Variants in PRDM5 observed in about 807,000 individuals in gnomAD.
PRDM5 encodes PR/SET domain 5.
Under a neutral mutation model 81.2 loss-of-function variants are expected in PRDM5, and 56 were observed. That is an observed-to-expected ratio of 0.69 (90% CI 0.56 to 0.86). The LOEUF is 0.86. Ranked by LOEUF, PRDM5 falls within the 40% of genes least tolerant of loss-of-function variation. PRDM5 has a pLI of 0.00. For missense variants in PRDM5, 697 were observed against 770.1 expected (o/e 0.91, Z 1.12); for synonymous variants, 267 against 256.4 (o/e 1.04, Z -0.39).
At chr4:120,769,976 C>T (rs1747001274) in intron 13 of PRDM5, among the ~76,000 whole-genome samples, 2 of 152,094 alleles carry the variant, frequency 1.3e-5, no homozygotes, top group African/African-American at 4.8e-5. Flanking sequence ...GCTGCATCTA[C>T]ACGGTTGCTC....
chr4:120,802,689 A>G (rs1752310927), intron 8 of PRDM5, among the ~76,000 whole-genome samples: 1 of 152,228 alleles, frequency 6.6e-6, no homozygotes, highest in African/African-American at 2.4e-5. Flanking sequence ...GGATATCCAC[A>G]CCAAAACCCC....
chr4:120,811,164 A>G (rs1753782280), intron 8 of PRDM5, among the ~76,000 whole-genome samples: 1 of 142,886 alleles, frequency 7.0e-6, no homozygotes, highest in Admixed American at 7.2e-5. Context: ...TGTCATAACA[A>G]GAGCAAAAAT....
intron 15 of PRDM5, among the ~76,000 whole-genome samples, chr4:120,703,759 C>A (rs2149007425): frequency 6.6e-6 from 1 of 152,172 alleles, no homozygotes; most frequent in Middle Eastern, 3.4e-3. Context: ...CTAGGTTTCC[C>A]AGGTTCAAAG....
At chr4:120,911,008 CT>C (rs1209942318) in intron 1 of PRDM5, among the ~76,000 whole-genome samples, 2 of 152,158 alleles carry the variant, frequency 1.3e-5, no homozygotes, top group Non-Finnish European at 2.9e-5. Context: ...CTTGTGATTT[CT>C]TTGCAAGAAC....
chr4:120,699,178 A>ATATATC (rs1734970106), intron 15 of PRDM5, among the ~76,000 whole-genome samples: 1 of 108,826 alleles, frequency 9.2e-6, no homozygotes, highest in South Asian at 2.9e-4. Context: ...ATATATATAT[A>ATATATC]TATATATATA....
chr4:120,869,456 A>T (rs1761554355), intron 2 of PRDM5, among the ~76,000 whole-genome samples: 1 of 152,188 alleles, frequency 6.6e-6, no homozygotes, highest in South Asian at 2.1e-4. Flanking sequence ...TTTACATTAA[A>T]CATAAATTAG....
At chr4:120,806,204 C>G (rs1020995183) in intron 8 of PRDM5, among the ~76,000 whole-genome samples, 2 of 152,146 alleles carry the variant, frequency 1.3e-5, no homozygotes, top group Admixed American at 6.5e-5. Flanking sequence ...AAAGAGGACA[C>G]AAACAAATGG....
At chr4:120,774,366 C>T (rs1054040345) in intron 13 of PRDM5, among the ~76,000 whole-genome samples, 25 of 152,222 alleles carry the variant, frequency 1.6e-4, no homozygotes, top group Non-Finnish European at 3.4e-4. Flanking sequence ...CACTGAAAAA[C>T]AGCTGAATAA....
At chr4:120,750,372 AG>A (rs1743802532) in intron 14 of PRDM5, among the ~76,000 whole-genome samples, 1 of 152,198 alleles carries the variant, frequency 6.6e-6, no homozygotes, top group African/African-American at 2.4e-5. Flanking sequence ...GGCTACTGCC[AG>A]TGGCGGGACA....
chr4:120,919,814 A>G lies in PRDM5; in HGVS notation c.93+2702T>C, dbSNP rs1284609914. Reference sequence around the variant, plus strand: ...ACAGCATGCAAAAAGTGTCAATTTCATTATTTTTCCTTATTCTGATTATTA... The same window carrying G: ...ACAGCATGCAAAAAGTGTCAATTTCGTTATTTTTCCTTATTCTGATTATTA... On this transcript the variant is annotated intron_variant, in intron 1 of 15. Transcript: ENST00000264808. Among the ~76,000 whole-genome samples, 7 of 152,186 alleles carry G rather than the reference A, an allele frequency of 4.6e-5. No individual in the cohort carries two copies. In the East Asian group the frequency reaches 1.3e-3, roughly 29 times the overall value.
At chr4:120,806,670 C>T (rs1438941406) in intron 8 of PRDM5, among the ~76,000 whole-genome samples, 1 of 152,122 alleles carries the variant, frequency 6.6e-6, no homozygotes, top group Non-Finnish European at 1.5e-5. Flanking sequence ...AACTGGATCC[C>T]TTCCTTACAC....
Position 120,706,315 on chromosome 4 carries a change from T to C in PRDM5, c.1728+3994A>G, listed in dbSNP as rs528588014. Among the ~76,000 whole-genome samples, 3 of 152,254 alleles carry C rather than the reference T, an allele frequency of 2.0e-5. No homozygotes were observed. The South Asian group carries it at 6.2e-4, about 32-fold the overall frequency. ...GATCAGAGAGAATATATGCAAACCA[T>C]GGATCTCTGTGTATTTCCCATATGA... On this transcript the variant is annotated intron_variant, in intron 15 of 15. Transcript: ENST00000264808.
downstream of PRDM5, among the ~76,000 whole-genome samples, chr4:120,689,599 T>A (rs1408843286): frequency 6.9e-6 from 1 of 144,202 alleles, no homozygotes; most frequent in Non-Finnish European, 1.6e-5. Flanking sequence ...TTTTCAAAAT[T>A]CTTTTTTTTT....
chr4:120,725,727 T>C (rs547622031), intron 14 of PRDM5, among the ~76,000 whole-genome samples: 2 of 152,122 alleles, frequency 1.3e-5, no homozygotes, highest in African/African-American at 4.8e-5. Flanking sequence ...TCCGTTTCTA[T>C]ATTAAACAGC....
chr4:120,791,303 C>A (rs1185546076), intron 10 of PRDM5, among the ~76,000 whole-genome samples: 1 of 152,106 alleles, frequency 6.6e-6, no homozygotes, highest in Non-Finnish European at 1.5e-5. Flanking sequence ...TTTATATGAA[C>A]TAACATAAAC....
intron 14 of PRDM5, among the ~76,000 whole-genome samples, chr4:120,717,807 T>C (rs1412795312): frequency 6.6e-6 from 1 of 152,250 alleles, no homozygotes; most frequent in Non-Finnish European, 1.5e-5. Context: ...CTGTGGTTGC[T>C]GTCTATGGTT....
At chr4:120,754,210 A>C (rs1030656862) in intron 14 of PRDM5, among the ~76,000 whole-genome samples, 5 of 152,116 alleles carry the variant, frequency 3.3e-5, no homozygotes, top group Admixed American at 6.5e-5. Flanking sequence ...TCTATTAAAA[A>C]ATGTTCCTAT....
intron 2 of PRDM5, among the ~76,000 whole-genome samples, chr4:120,903,064 G>A (rs112928410): frequency 4.1e-4 from 62 of 152,342 alleles, no homozygotes; most frequent in African/African-American, 1.5e-3. Flanking sequence ...AAACTGAGAA[G>A]GAGTTATGCC....
At chr4:120,826,272 C>T (rs959619857) in intron 3 of PRDM5, among the ~76,000 whole-genome samples, 1 of 152,170 alleles carries the variant, frequency 6.6e-6, no homozygotes, top group African/African-American at 2.4e-5. Flanking sequence ...CACCTTAGTA[C>T]AACTGCAAAG....
Sources: allele counts gnomAD v4.1 joint callset (sites outside exome capture counted in the v4.1 genomes callset), GRCh38; gene constraint gnomAD v4.1.1; transcripts MANE v1.5; gene names NCBI Gene and HGNC (gene_info 2026-07-23, HGNC 2026-07-21).